PEBP4: variants seen among roughly 807,000 people sequenced by gnomAD.
PEBP4 encodes the protein phosphatidylethanolamine-binding protein 4.
In PEBP4, 22 loss-of-function variants were observed where a neutral mutation model predicts 23.9. The ratio of observed to expected loss-of-function variants is 0.92; its 90% CI spans 0.66 to 1.31. The LOEUF (loss-of-function observed/expected upper bound fraction) is 1.31. Ranked by LOEUF, PEBP4 falls within the 40% of genes most tolerant of loss-of-function variation. The pLI, the probability that PEBP4 is intolerant of heterozygous loss-of-function variation, is 0.00. For missense variants in PEBP4, 324 were observed against 281.7 expected, an observed-to-expected ratio of 1.15 and a Z score of -1.07; for synonymous variants, 112 against 99.3, an observed-to-expected ratio of 1.13 and a Z score of -0.76.
chr8:22,720,678 G>A (rs6558181), intron 6 of PEBP4, among the ~76,000 whole-genome samples: 55,026 of 152,090 alleles, frequency 0.36, 10,594 homozygotes, highest in African/African-American at 0.49. Flanking sequence ...GACGCTGGCC[G>A]GCCAGCCCTT....
chr8:22,893,186 T>G (rs559522393), intron 3 of PEBP4, among the ~76,000 whole-genome samples: 49 of 152,260 alleles, frequency 3.2e-4, no homozygotes, highest in African/African-American at 1.0e-3. Context: ...GCCACAGAAT[T>G]CCTGGGGCAG....
Position 22,748,841 on chromosome 8 carries a change from C to T in PEBP4, c.358-21621G>A, listed in dbSNP as rs377227728. Among the ~76,000 whole-genome samples the T allele has an allele frequency of 1.8e-4, 27 of 152,312 alleles. No individual in the cohort carries two copies. The East Asian group carries it at 2.7e-3, about 15-fold the overall frequency. On this transcript the variant is annotated intron_variant, in intron 4 of 6. Coordinates refer to ENST00000256404, the MANE Select transcript of PEBP4 (RefSeq NM_144962.3). Reference sequence around the variant, plus strand: ...CCCAGGAGAACAGGAGAGGCCTCCACGAGTCCTGGATGATTTAGGTGCGGA... The same window carrying T: ...CCCAGGAGAACAGGAGAGGCCTCCATGAGTCCTGGATGATTTAGGTGCGGA...
rs1804593747 is a variant in PEBP4, at chr8:22,724,939, G to T, written c.421C>A (p.Pro141Thr). The T allele has an allele frequency of 6.2e-7, 1 of 1,613,874 alleles. No homozygotes were observed. The highest frequency in any genetic ancestry group is 1.3e-5 in the African/African-American group (1 of 74,934). The change falls in exon 6 of 7, where the codon CCA becomes ACA. Residue 141 changes from proline to threonine, a missense_variant. Physicochemically the swap from Pro to Thr is conservative, Grantham distance 38. Coordinates refer to ENST00000256404, the MANE Select transcript of PEBP4 (RefSeq NM_144962.3). Reference sequence around the variant, plus strand: ...CGATGGAAGCCACTGTGTGCCGGTGGGGAGGGAGCCTGGTAGGCTATAGGT... The same window carrying T: ...CGATGGAAGCCACTGTGTGCCGGTGTGGAGGGAGCCTGGTAGGCTATAGGT... ...QELSAYQAPS[P>T]PAHSGFHRYQ...
At position 22,724,382 on chromosome 8, in the gene PEBP4, C is replaced by T. The variant is rs562806270; in HGVS notation, c.517+461G>A. Among the ~76,000 whole-genome samples the T allele has an allele frequency of 2.0e-5, 3 of 152,334 alleles. No individual in the cohort carries two copies. In the East Asian group the frequency reaches 5.8e-4, roughly 29 times the overall value. On this transcript the variant is annotated intron_variant, in intron 6 of 6. Transcript: ENST00000256404. ...GGGATGGTGGGGGACATCTTCCCCT[C>T]ATCACTGAGATGGCACAGCCGACCC...
At chr8:22,768,884 C>G (rs1805661957) in intron 4 of PEBP4, among the ~76,000 whole-genome samples, 1 of 152,198 alleles carries the variant, frequency 6.6e-6, no homozygotes. Flanking sequence ...CCGTTCCTAT[C>G]CTGGTGTTTG....
chr8:22,749,980 A>G (rs1180628344), intron 4 of PEBP4, among the ~76,000 whole-genome samples: 2 of 148,758 alleles, frequency 1.3e-5, no homozygotes, highest in East Asian at 2.0e-4. Flanking sequence ...CTAATTTTGT[A>G]TTTTTAGTAA....
intron 3 of PEBP4, among the ~76,000 whole-genome samples, chr8:22,899,993 G>C (rs1482278832): frequency 3.9e-5 from 6 of 152,094 alleles, no homozygotes; most frequent in Non-Finnish European, 8.8e-5. Flanking sequence ...AAGGAGACCT[G>C]GCTTGCGGTT....
intron 3 of PEBP4, among the ~76,000 whole-genome samples, chr8:22,866,913 G>A (rs370528696): frequency 1.3e-5 from 2 of 152,196 alleles, no homozygotes; most frequent in Admixed American, 6.5e-5. Flanking sequence ...GAGCTAGTCC[G>A]GCTGGGAGAT....
At chr8:22,745,578 T>A (rs901581367) in intron 4 of PEBP4, 2 of 152,366 alleles carry the variant, frequency 1.3e-5, no homozygotes, top group African/African-American at 2.4e-5. Flanking sequence ...AGTTCACACT[T>A]CTTTCCTCTG....
At chr8:22,762,786 C>T (rs2128753108) in intron 4 of PEBP4, among the ~76,000 whole-genome samples, 1 of 152,278 alleles carries the variant, frequency 6.6e-6, no homozygotes, top group African/African-American at 2.4e-5. Context: ...CAGAGATTTC[C>T]TTTGCTCGTT....
chr8:22,764,405 A>T (rs1805569747), intron 4 of PEBP4, among the ~76,000 whole-genome samples: 3 of 151,996 alleles, frequency 2.0e-5, no homozygotes, highest in Non-Finnish European at 4.4e-5. Flanking sequence ...TGAGCTGCTG[A>T]CCTGTGAACG....
intron 4 of PEBP4, among the ~76,000 whole-genome samples, chr8:22,755,189 A>G: frequency 6.6e-6 from 1 of 152,104 alleles, no homozygotes; most frequent in East Asian, 1.9e-4. Context: ...TGCTTGAGTG[A>G]TTCTTAAATG....
chr8:22,822,571 C>T (rs187432925), intron 3 of PEBP4, among the ~76,000 whole-genome samples: 2 of 151,934 alleles, frequency 1.3e-5, no homozygotes, highest in South Asian at 2.1e-4. Flanking sequence ...ACATGATTGT[C>T]TACATGAGAA....
intron 3 of PEBP4, among the ~76,000 whole-genome samples, chr8:22,836,718 G>A (rs575813490): frequency 4.6e-5 from 7 of 152,130 alleles, no homozygotes; most frequent in Admixed American, 6.5e-5. Context: ...TGCGTACCCC[G>A]GGTCACTGCA....
intron 4 of PEBP4, among the ~76,000 whole-genome samples, chr8:22,814,769 G>A (rs959132748): frequency 1.3e-5 from 2 of 152,176 alleles, no homozygotes; most frequent in African/African-American, 4.8e-5. Context: ...GTAGTATTAT[G>A]GGGTCCAAAA....
chr8:22,841,849 A>G (rs1807336361), intron 3 of PEBP4, among the ~76,000 whole-genome samples: 1 of 152,244 alleles, frequency 6.6e-6, no homozygotes, highest in Non-Finnish European at 1.5e-5. Flanking sequence ...GGAAACACAC[A>G]TATATTGGTG....
intron 3 of PEBP4, among the ~76,000 whole-genome samples, chr8:22,874,653 C>CAGTT (rs571629785): frequency 5.6e-4 from 85 of 152,094 alleles, no homozygotes; most frequent in Admixed American, 4.1e-3. Flanking sequence ...TTTAAAAAAC[C>CAGTT]AGTTGCATAT....
At chr8:22,735,077 A>C (rs1804830740) in intron 4 of PEBP4, among the ~76,000 whole-genome samples, 1 of 152,140 alleles carries the variant, frequency 6.6e-6, no homozygotes, top group Non-Finnish European at 1.5e-5. Context: ...GCCCCTGAGG[A>C]ATGGTAGCTG....
intron 4 of PEBP4, among the ~76,000 whole-genome samples, chr8:22,793,423 C>T (rs998505319): frequency 2.4e-4 from 35 of 146,836 alleles, no homozygotes; most frequent in Admixed American, 2.0e-3. Flanking sequence ...TGCACCACCA[C>T]GCCCAGCTCA....
Sources: gnomAD v4.1 joint callset for allele counts (sites outside exome capture counted in the v4.1 genomes callset) on GRCh38, gnomAD v4.1.1 for gene constraint, MANE v1.5 for transcripts, NCBI Gene and HGNC (gene_info 2026-07-23, HGNC 2026-07-21) for gene names.